Variants in YPEL2 observed in about 807,000 individuals in gnomAD.
YPEL2 encodes protein yippee-like 2.
Under a neutral mutation model 19.1 loss-of-function variants are expected in YPEL2, and 2 were observed. The ratio of observed to expected loss-of-function variants is 0.10; its 90% CI spans 0.04 to 0.33. The LOEUF is 0.33. YPEL2 is among the 10% of genes least tolerant of loss of function. The pLI is 1.00. For missense variants in YPEL2, 66 were observed against 140.7 expected (o/e 0.47, Z 2.68); for synonymous variants, 52 against 50.0 (o/e 1.04, Z -0.17).
At chr17:59,370,070 T>A (rs562499281) in intron 2 of YPEL2, among the ~76,000 whole-genome samples, 1 of 152,364 alleles carries the variant, frequency 6.6e-6, no homozygotes, top group Admixed American at 6.5e-5. Flanking sequence ...TCTTTTTTTC[T>A]TTTTGAGACG....
intron 4 of YPEL2, among the ~76,000 whole-genome samples, chr17:59,394,315 G>A (rs1216496755): frequency 1.4e-5 from 2 of 144,458 alleles, no homozygotes; most frequent in Non-Finnish European, 3.0e-5. Flanking sequence ...GGGCAGAGAC[G>A]GCTCCTCACT....
intron 2 of YPEL2, among the ~76,000 whole-genome samples, chr17:59,373,072 G>C (rs941958547): frequency 6.6e-6 from 1 of 152,248 alleles, no homozygotes; most frequent in African/African-American, 2.4e-5. Flanking sequence ...GGGTTTCACC[G>C]TGTTGGCCAG....
At chr17:59,395,956 C>T (rs1198146272) in intron 4 of YPEL2, among the ~76,000 whole-genome samples, 9 of 152,134 alleles carry the variant, frequency 5.9e-5, no homozygotes, top group African/African-American at 2.2e-4. Flanking sequence ...TGGCAGGCTC[C>T]TGTAGTCCCA....
At chr17:59,385,589 C>A in intron 2 of YPEL2, among the ~76,000 whole-genome samples, 1 of 151,946 alleles carries the variant, frequency 6.6e-6, no homozygotes, top group South Asian at 2.1e-4. Context: ...AAAAAAGATT[C>A]CAGAAAATAC....
intron 4 of YPEL2, 53 bp downstream of exon 4, chr17:59,389,521 C>G: frequency 7.0e-7 from 1 of 1,418,458 alleles, no homozygotes. Context: ...TTGCCAAGAG[C>G]CTTATGCCAG....
Position 59,354,076 on chromosome 17 carries a change from G to C in YPEL2, c.117+550G>C, listed in dbSNP as rs375758953. On this transcript the variant is annotated intron_variant, in intron 2 of 4. Transcript: ENST00000312655. ...CATGAGGTAATATGGCATGACATTT[G>C]ATCATGATCAGAAGAATGGAACCCT... 59 of 168,108 alleles carry C rather than the reference G, an allele frequency of 3.5e-4. 1 individual carries two copies. In the East Asian group the frequency reaches 5.8e-3, roughly 16 times the overall value. 10.4% of individuals were successfully genotyped at this position (168,108 alleles called of 1,614,324 possible).
At chr17:59,377,470 A>T (rs2047927996) in intron 2 of YPEL2, among the ~76,000 whole-genome samples, 1 of 152,156 alleles carries the variant, frequency 6.6e-6, no homozygotes, top group South Asian at 2.1e-4. Context: ...TGAGGATGGC[A>T]TGTTGGCCTC....
At chr17:59,389,253 T>G (rs1018309819) in intron 3 of YPEL2, 107 bp from the exon 4 acceptor site, 15 of 973,502 alleles carry the variant, frequency 1.5e-5, no homozygotes, top group Non-Finnish European at 2.3e-5. Context: ...CAGGGTTGGC[T>G]CCCCTTGGGA....
intron 2 of YPEL2, among the ~76,000 whole-genome samples, chr17:59,360,128 G>T (rs925758714): frequency 2.0e-5 from 3 of 152,170 alleles, no homozygotes; most frequent in African/African-American, 7.2e-5. Context: ...CCAGGCTGGA[G>T]TGCAGTGGCA....
chr17:59,367,354 G>T (rs1175823903), intron 2 of YPEL2, among the ~76,000 whole-genome samples: 3 of 152,206 alleles, frequency 2.0e-5, no homozygotes, highest in Non-Finnish European at 4.4e-5. Flanking sequence ...GAAGGGAGGG[G>T]CTGTTTGCAG....
chr17:59,364,248 A>G (rs1371925473), intron 2 of YPEL2, among the ~76,000 whole-genome samples: 1 of 152,140 alleles, frequency 6.6e-6, no homozygotes, highest in Non-Finnish European at 1.5e-5. Context: ...AGGCCCAGAG[A>G]GAAACTGAGG....
intron 2 of YPEL2, among the ~76,000 whole-genome samples, chr17:59,385,456 T>C (rs2047975196): frequency 6.6e-6 from 1 of 152,030 alleles, no homozygotes; most frequent in South Asian, 2.1e-4. Context: ...TGCGCCCCTG[T>C]AGTCCCAGCT....
chr17:59,372,128 G>A (rs2047900034), intron 2 of YPEL2, among the ~76,000 whole-genome samples: 1 of 152,178 alleles, frequency 6.6e-6, no homozygotes, highest in Non-Finnish European at 1.5e-5. Flanking sequence ...CAGAAACTGG[G>A]CCTCTGTGTA....
intron 2 of YPEL2, among the ~76,000 whole-genome samples, chr17:59,357,871 T>G (rs2047820774): frequency 6.6e-6 from 1 of 152,170 alleles, no homozygotes; most frequent in African/African-American, 2.4e-5. Flanking sequence ...AACACACGGT[T>G]GCTTTAGTGC....
intron 1 of YPEL2, among the ~76,000 whole-genome samples, chr17:59,340,139 C>T (rs2047720606): frequency 6.6e-6 from 1 of 150,874 alleles, no homozygotes. Flanking sequence ...TGGAGTTTCA[C>T]TCTTGTTGCC....
At chr17:59,344,537 C>G (rs1488214302) in intron 1 of YPEL2, among the ~76,000 whole-genome samples, 8 of 152,158 alleles carry the variant, frequency 5.3e-5, no homozygotes, top group African/African-American at 1.9e-4. Flanking sequence ...GCAGGTGGAC[C>G]ACCTGAGGTC....
chr17:59,346,782 G>A (rs907951411), intron 1 of YPEL2, among the ~76,000 whole-genome samples: 5 of 152,196 alleles, frequency 3.3e-5, no homozygotes, highest in Non-Finnish European at 7.3e-5. Flanking sequence ...AGGCCACTAA[G>A]CCCGGTGTTG....
intron 1 of YPEL2, among the ~76,000 whole-genome samples, chr17:59,343,324 A>G (rs1205066395): frequency 6.6e-6 from 1 of 151,778 alleles, no homozygotes; most frequent in Non-Finnish European, 1.5e-5. Flanking sequence ...AAGGATTTCC[A>G]GTATGCTGGA....
intron 1 of YPEL2, among the ~76,000 whole-genome samples, chr17:59,343,442 AGT>A (rs1228618703): frequency 1.3e-5 from 2 of 152,162 alleles, no homozygotes; most frequent in African/African-American, 4.8e-5. Flanking sequence ...ACTCATGAAC[AGT>A]GTGATAAAAT....
Sources: gnomAD v4.1 joint callset for allele counts (sites outside exome capture counted in the v4.1 genomes callset) on GRCh38, gnomAD v4.1.1 for gene constraint, MANE v1.5 for transcripts, NCBI Gene and HGNC (gene_info 2026-07-23, HGNC 2026-07-21) for gene names.